Variants in SGSM1 observed in about 807,000 individuals in gnomAD.
The protein encoded by SGSM1 is small G protein signaling modulator 1.
In SGSM1, 73 loss-of-function variants were observed where a neutral mutation model predicts 133.8. The observed-to-expected ratio is 0.55, with a 90% CI of 0.45 to 0.66. SGSM1 has a LOEUF of 0.66. SGSM1 is among the 30% of genes least tolerant of loss of function. SGSM1 has a pLI of 0.00. For synonymous variants in SGSM1, 563 were observed against 573.0 expected, an observed-to-expected ratio of 0.98 and a Z score of 0.25; for missense variants, 1,213 against 1,448.1, an observed-to-expected ratio of 0.84 and a Z score of 2.64.
chr22:24,895,061 C>G (rs1219407364), intron 17 of SGSM1, among the ~76,000 whole-genome samples, 162 bp from the exon 18 acceptor site: 1 of 152,132 alleles, frequency 6.6e-6, no homozygotes, highest in African/African-American at 2.4e-5. Context: ...GTGGTGCCCC[C>G]CTTTCATTTT....
chr22:24,900,385 T>TTCTC (rs1491561814), intron 19 of SGSM1, among the ~76,000 whole-genome samples: 36 of 71,322 alleles, frequency 5.0e-4, no homozygotes, highest in African/African-American at 1.8e-3. Context: ...CTTTCTTTCT[T>TTCTC]TCTTTCTTTC....
chr22:24,869,652 T>G (rs187202945), intron 12 of SGSM1, among the ~76,000 whole-genome samples: 137 of 152,322 alleles, frequency 9.0e-4, no homozygotes, highest in Non-Finnish European at 1.4e-3. Context: ...GATGAGATAT[T>G]CATTGTAGAG....
Position 24,898,129 on chromosome 22 carries a change from A to G in SGSM1, c.2180A>G (p.His727Arg). Residue 727 changes from histidine (H) to arginine (R), a missense_variant, in exon 19 of 25, where the codon CAC becomes CGC. His to Arg is a conservative substitution (Grantham distance 29, BLOSUM62 0). Transcript: ENST00000400358. ...SHNFSSGLSE[H>R]SEPSLSTEDS... ...AACTTCTCCTCGGGCCTCTCAGAGCACTCAGAGCCCAGTCTGAGCACAGAA... is the reference window on the plus strand; with the variant it reads ...AACTTCTCCTCGGGCCTCTCAGAGCGCTCAGAGCCCAGTCTGAGCACAGAA... The G allele has an allele frequency of 6.2e-7, 1 of 1,613,930 alleles. No individual in the cohort carries two copies. The highest frequency in any genetic ancestry group is 8.5e-7 in the Non-Finnish European group (1 of 1,179,878).
chr22:24,913,372 G>T (rs1314626802), intron 22 of SGSM1, among the ~76,000 whole-genome samples: 2 of 152,014 alleles, frequency 1.3e-5, no homozygotes, highest in South Asian at 2.1e-4. Flanking sequence ...AAATCTCTGA[G>T]TTGGGCCCAG....
At position 24,855,696 on chromosome 22, in the gene SGSM1, G is replaced by A; in HGVS notation, c.801+16G>A. ...TGTTCAGCCGGTGAGAGGTTATCTTGGGCCTAGATCTTGCACTGAGGGTCT... is the reference window on the plus strand; with the variant it reads ...TGTTCAGCCGGTGAGAGGTTATCTTAGGCCTAGATCTTGCACTGAGGGTCT... On this transcript the variant is annotated intron_variant, in intron 8 of 24. Transcript: ENST00000400358. 6.2e-7 allele frequency: 1 copy of A among 1,613,878 alleles called. No individual in the cohort carries two copies. The highest frequency in any genetic ancestry group is 8.5e-7 in the Non-Finnish European group (1 of 1,179,852).
At chr22:24,858,595 C>A (rs536678354) in intron 8 of SGSM1, among the ~76,000 whole-genome samples, 3 of 150,032 alleles carry the variant, frequency 2.0e-5, no homozygotes, top group Non-Finnish European at 4.4e-5. Context: ...GAGATCGCGC[C>A]GCTGTCCTCC....
At chr22:24,902,150 G>T (rs1254032564) in intron 20 of SGSM1, among the ~76,000 whole-genome samples, 193 bp downstream of exon 20, 1 of 152,158 alleles carries the variant, frequency 6.6e-6, no homozygotes, top group East Asian at 1.9e-4. Flanking sequence ...CTGTATACCA[G>T]CCACTGTCCT....
intron 2 of SGSM1, among the ~76,000 whole-genome samples, chr22:24,815,801 G>T (rs572508161): frequency 6.6e-6 from 1 of 152,232 alleles, no homozygotes; most frequent in South Asian, 2.1e-4. Flanking sequence ...GGAAGCAGGT[G>T]GTGGGTTATG....
At chr22:24,890,152 T>C (rs1429900071) in intron 16 of SGSM1, among the ~76,000 whole-genome samples, 2 of 151,490 alleles carry the variant, frequency 1.3e-5, no homozygotes, top group African/African-American at 4.9e-5. Context: ...GAGACAGGGT[T>C]TTACCGTGTT....
chr22:24,809,239 G>C (rs1403839210), intron 2 of SGSM1, among the ~76,000 whole-genome samples: 1 of 152,152 alleles, frequency 6.6e-6, no homozygotes, highest in Non-Finnish European at 1.5e-5. Context: ...GAACAGAAGG[G>C]AAAGCTCTTT....
At chr22:24,821,328 C>T (rs1928457564) in intron 2 of SGSM1, among the ~76,000 whole-genome samples, 3 of 152,210 alleles carry the variant, frequency 2.0e-5, no homozygotes, top group African/African-American at 2.4e-5. Flanking sequence ...TGAGCCATCG[C>T]GCCCAGCCTG....
chr22:24,818,084 T>C (rs1270439542), intron 2 of SGSM1, among the ~76,000 whole-genome samples: 2 of 151,412 alleles, frequency 1.3e-5, no homozygotes, highest in East Asian at 4.0e-4. Flanking sequence ...ATACAAAAAT[T>C]AGCCGGGCGT....
In SGSM1 at chr22:24,895,259, C is replaced by T. The variant is rs773207563; in HGVS notation, c.1990C>T (p.Arg664Cys). ...CTGCAGTTCGGGCCGCCAGAACATCCGCCTGCACAGCGACTCCAGCAGCAG... is the reference window on the plus strand; with the variant it reads ...CTGCAGTTCGGGCCGCCAGAACATCTGCCTGCACAGCGACTCCAGCAGCAG... ...QSCSSGRQNI[R>C]LHSDSSSSTQ... The change falls in exon 18 of 25, where the codon CGC becomes TGC. Residue 664 changes from arginine to cysteine, a missense_variant. Transcript: ENST00000400358. 9.3e-6 allele frequency: 15 copies of T among 1,612,162 alleles called. No individual in the cohort carries two copies. The highest frequency in any genetic ancestry group is 8.9e-5 in the East Asian group (4 of 44,786).
rs192296144 is a variant in SGSM1, at chr22:24,850,672, T to C, written c.455+240T>C. On this transcript the variant is annotated intron_variant, in intron 5 of 24. Transcript: ENST00000400358. ...CTTCCTTCTCCTGTGGATTACTCCA[T>C]TCAATAACTGTGTGGCCCTAGAGAA... is the stretch of plus-strand genomic sequence containing the variant. Among the ~76,000 whole-genome samples, 7 of 152,338 alleles carry C rather than the reference T, an allele frequency of 4.6e-5. No homozygotes were observed. In the East Asian group the frequency reaches 1.3e-3, roughly 29 times the overall value.
At chr22:24,806,616 G>A in intron 2 of SGSM1, 132 bp downstream of exon 2, 3 of 1,121,338 alleles carry the variant, frequency 2.7e-6, no homozygotes, top group Non-Finnish European at 3.6e-6. Context: ...TCACCTGGGT[G>A]GGCATTGACC....
At chr22:24,830,799 A>C (rs1929079421) in intron 2 of SGSM1, among the ~76,000 whole-genome samples, 1 of 108,912 alleles carries the variant, frequency 9.2e-6, no homozygotes, top group Non-Finnish European at 2.1e-5. Flanking sequence ...GGTTAGGATT[A>C]GCATTTGCAT....
chr22:24,919,753 G>A (rs1933940846), intron 23 of SGSM1, 73 bp from the exon 24 acceptor site: 2 of 1,571,380 alleles, frequency 1.3e-6, no homozygotes, highest in Admixed American at 1.7e-5. Context: ...CACCTTGGGG[G>A]GCTTCCCAAG....
At chr22:24,921,181 C>G in intron 24 of SGSM1, among the ~76,000 whole-genome samples, 1 of 151,930 alleles carries the variant, frequency 6.6e-6, no homozygotes, top group Non-Finnish European at 1.5e-5. Context: ...CTCACTGCAA[C>G]CTCCGCCTCC....
chr22:24,837,528 CAAGAGGTGGA>C (rs1929502695), intron 2 of SGSM1, among the ~76,000 whole-genome samples: 1 of 148,576 alleles, frequency 6.7e-6, no homozygotes, highest in Non-Finnish European at 1.5e-5. Flanking sequence ...AGGCCCTCCA[CAAGAGGTGGA>C]GGAGCAGAGT....
Sources: gnomAD v4.1 joint callset for allele counts (sites outside exome capture counted in the v4.1 genomes callset) on GRCh38, gnomAD v4.1.1 for gene constraint, MANE v1.5 for transcripts, NCBI Gene and HGNC (gene_info 2026-07-23, HGNC 2026-07-21) for gene names.